Variants in JAKMIP2 observed in about 807,000 individuals in gnomAD.
The protein encoded by JAKMIP2 is janus kinase and microtubule-interacting protein 2.
A neutral mutation model predicts 115.0 loss-of-function variants in JAKMIP2; 25 were observed. The ratio of observed to expected loss-of-function variants is 0.22; its 90% confidence interval spans 0.16 to 0.30. JAKMIP2 has a LOEUF of 0.30. Among genes scored for constraint, JAKMIP2 ranks in the 10% least tolerant of loss-of-function variants. JAKMIP2 has a pLI of 1.00. For synonymous variants in JAKMIP2, 334 were observed against 343.6 expected (o/e 0.97, Z 0.31); for missense variants, 642 against 957.6 (o/e 0.67, Z 4.35).
chr5:147,702,658 A>C (rs868225931), intron 1 of JAKMIP2, among the ~76,000 whole-genome samples: 1 of 111,144 alleles, frequency 9.0e-6, no homozygotes, highest in Admixed American at 9.6e-5. Flanking sequence ...GAAAGAAAGA[A>C]AGAAAGAGAG....
intron 1 of JAKMIP2, among the ~76,000 whole-genome samples, chr5:147,746,980 A>G (rs1005592654): frequency 3.3e-5 from 5 of 152,188 alleles, no homozygotes; most frequent in African/African-American, 7.2e-5. Context: ...TTTTTCTCCT[A>G]AATTCTGGGA....
chr5:147,692,954 C>T (rs991003438), intron 1 of JAKMIP2, among the ~76,000 whole-genome samples: 1 of 152,076 alleles, frequency 6.6e-6, no homozygotes, highest in African/African-American at 2.4e-5. Context: ...AAAATGAATG[C>T]TTTTTATCTT....
Position 147,756,618 on chromosome 5 carries a change from TA to T in JAKMIP2, c.-149+25837del, listed in dbSNP as rs201414357. On this transcript the variant is annotated intron_variant, in intron 1 of 21. Transcript: ENST00000616793. ...TCCACTCAATGCAGACTGGGACAGG[TA>T]AAGGGAGAACAAACACTGAGAGAAG... Among the ~76,000 whole-genome samples the T allele has an allele frequency of 8.1e-3, 1,226 of 152,136 alleles. 11 individuals carry two copies. The highest frequency in any genetic ancestry group is 0.027 in the African/African-American group (1,132 of 41,514).
At chr5:147,598,529 C>A (rs891710716) in intron 21 of JAKMIP2, among the ~76,000 whole-genome samples, 1 of 152,158 alleles carries the variant, frequency 6.6e-6, no homozygotes, top group Admixed American at 6.5e-5. Context: ...CTGACTAATA[C>A]ATTGATATGC....
intron 1 of JAKMIP2, among the ~76,000 whole-genome samples, chr5:147,740,282 C>G (rs986999527): frequency 6.6e-6 from 1 of 152,150 alleles, no homozygotes; most frequent in African/African-American, 2.4e-5. Context: ...AATCAGAATG[C>G]AAGACATACA....
rs554634652 is a variant in JAKMIP2, at chr5:147,594,792, T to C, written c.*21-3106A>G. 5.3e-5 allele frequency among the ~76,000 whole-genome samples: 8 copies of C among 152,290 alleles called. No homozygotes were observed. In the South Asian group the frequency reaches 1.7e-3, roughly 32 times the overall value. ...CCTTTATATGCAATTTGTCATAAAGTATTCAATAAATGGTAGCTATTAATA... is the reference window on the plus strand; with the variant it reads ...CCTTTATATGCAATTTGTCATAAAGCATTCAATAAATGGTAGCTATTAATA... On this transcript the variant is annotated intron_variant, in intron 21 of 21. Coordinates refer to ENST00000616793, the MANE Select transcript of JAKMIP2 (RefSeq NM_001270941.2).
chr5:147,657,714 T>C (rs192430837), intron 3 of JAKMIP2, among the ~76,000 whole-genome samples: 44 of 152,256 alleles, frequency 2.9e-4, no homozygotes, highest in Admixed American at 2.7e-3. Context: ...TTCATTCTTT[T>C]TTCTCTAATC....
chr5:147,677,647 T>A (rs999727822), intron 1 of JAKMIP2, among the ~76,000 whole-genome samples: 1 of 152,194 alleles, frequency 6.6e-6, no homozygotes, highest in African/African-American at 2.4e-5. Flanking sequence ...AGCTTCCAAA[T>A]CCATTCTTGA....
At chr5:147,702,654 AAGAAAGAAAG>A (rs1399165079) in intron 1 of JAKMIP2, among the ~76,000 whole-genome samples, 16 of 102,768 alleles carry the variant, frequency 1.6e-4, no homozygotes, top group East Asian at 8.6e-4. Flanking sequence ...GAAAGAAAGA[AAGAAAGAAAG>A]AGAGAGAAAG....
chr5:147,719,881 T>C (rs1753189795), intron 1 of JAKMIP2, among the ~76,000 whole-genome samples: 1 of 152,138 alleles, frequency 6.6e-6, no homozygotes, highest in African/African-American at 2.4e-5. Context: ...GTGAATTTGA[T>C]CCTGTCATGA....
chr5:147,684,112 G>A (rs900800134), intron 1 of JAKMIP2, among the ~76,000 whole-genome samples: 1 of 152,080 alleles, frequency 6.6e-6, no homozygotes, highest in Admixed American at 6.5e-5. Context: ...AAGCAAGACC[G>A]TTAGGTTGAC....
intron 1 of JAKMIP2, among the ~76,000 whole-genome samples, chr5:147,734,471 G>C (rs549576372): frequency 1.2e-4 from 18 of 148,498 alleles, no homozygotes; most frequent in African/African-American, 3.2e-4. Context: ...ATGGACAGAG[G>C]GGGGAACATC....
At chr5:147,613,491 G>A (rs1182751387) in intron 19 of JAKMIP2, among the ~76,000 whole-genome samples, 1 of 152,114 alleles carries the variant, frequency 6.6e-6, no homozygotes, top group Non-Finnish European at 1.5e-5. Context: ...CCCCAGCCAG[G>A]GACATTTGGC....
intron 8 of JAKMIP2, 72 bp downstream of exon 8, chr5:147,641,636 G>T: frequency 9.4e-7 from 1 of 1,059,456 alleles, no homozygotes; most frequent in Non-Finnish European, 1.5e-6. Flanking sequence ...ATCTTTGTAG[G>T]AAGATTCCAT....
intron 12 of JAKMIP2, among the ~76,000 whole-genome samples, chr5:147,635,916 T>C (rs974141266): frequency 1.3e-5 from 2 of 152,140 alleles, no homozygotes; most frequent in African/African-American, 2.4e-5. Flanking sequence ...CGTGTGTGTG[T>C]GCGTGTATGT....
chr5:147,737,540 G>A (rs1753972647), intron 1 of JAKMIP2, among the ~76,000 whole-genome samples: 1 of 152,272 alleles, frequency 6.6e-6, no homozygotes, highest in Middle Eastern at 3.4e-3. Flanking sequence ...AAGCAATCAA[G>A]CTGTGACAGA....
chr5:147,719,992 G>T (rs1448615738), intron 1 of JAKMIP2, among the ~76,000 whole-genome samples: 2 of 151,970 alleles, frequency 1.3e-5, no homozygotes, highest in African/African-American at 4.8e-5. Context: ...GGTACCGGTT[G>T]TTCCTTTCCA....
chr5:147,720,254 C>A (rs183538421), intron 1 of JAKMIP2, among the ~76,000 whole-genome samples: 1 of 151,932 alleles, frequency 6.6e-6, no homozygotes, highest in Non-Finnish European at 1.5e-5. Context: ...GAGGGTAACC[C>A]GACCTTTCTC....
intron 5 of JAKMIP2, among the ~76,000 whole-genome samples, chr5:147,645,689 G>A (rs1187637676): frequency 2.0e-5 from 3 of 152,016 alleles, no homozygotes; most frequent in Non-Finnish European, 2.9e-5. Flanking sequence ...TCTCAGTCTC[G>A]GCGTCTGTGA....
Sources: gnomAD v4.1 joint callset for allele counts (sites outside exome capture counted in the v4.1 genomes callset) on GRCh38, gnomAD v4.1.1 for gene constraint, MANE v1.5 for transcripts, NCBI Gene and HGNC (gene_info 2026-07-23, HGNC 2026-07-21) for gene names.